The following RAPGEF5 variants were observed in gnomAD, a reference collection of about 807,000 sequenced individuals.
RAPGEF5 encodes the protein M-Ras-regulated GEF.
In RAPGEF5, 65 loss-of-function variants were observed where a neutral mutation model predicts 125.2. The ratio of observed to expected loss-of-function variants is 0.52; its 90% CI spans 0.43 to 0.64. RAPGEF5 has a LOEUF of 0.64. RAPGEF5 is among the 30% of genes least tolerant of loss of function. The pLI is 0.00. For missense variants in RAPGEF5, 958 were observed against 1,048.1 expected (o/e 0.91, Z 1.19); for synonymous variants, 391 against 385.9 (o/e 1.01, Z -0.16).
chr7:22,190,569 A>G (rs1784962064), intron 11 of RAPGEF5, among the ~76,000 whole-genome samples: 1 of 152,098 alleles, frequency 6.6e-6, no homozygotes, highest in Admixed American at 6.6e-5. Context: ...GAAATGCCTT[A>G]TCTTAATAGC....
chr7:22,198,584 A>C (rs1785205631), intron 9 of RAPGEF5, among the ~76,000 whole-genome samples: 2 of 152,210 alleles, frequency 1.3e-5, no homozygotes, highest in Admixed American at 1.3e-4. Flanking sequence ...ACCTAATATA[A>C]TTTTATTCCA....
At chr7:22,266,461 C>T (rs776087864) in intron 7 of RAPGEF5, among the ~76,000 whole-genome samples, 2 of 152,078 alleles carry the variant, frequency 1.3e-5, no homozygotes, top group African/African-American at 4.8e-5. Flanking sequence ...CAGATTATAT[C>T]CTATAGGTAT....
At chr7:22,318,134 C>A in intron 1 of RAPGEF5, 97 bp from the exon 2 acceptor site, 81 of 1,092,032 alleles carry the variant, frequency 7.4e-5, no homozygotes, top group Non-Finnish European at 8.7e-5. Flanking sequence ...CAGGCCTCTG[C>A]TATGAAAAAA....
Position 22,121,649 on chromosome 7 carries a change from A to G in RAPGEF5, c.*757T>C, listed in dbSNP as rs1211099383. 1 of 152,258 alleles carries G rather than the reference A, an allele frequency of 6.6e-6. No individual in the cohort carries two copies. The highest frequency in any genetic ancestry group is 1.9e-4 in the East Asian group (1 of 5,206). The allele number at this position is 152,258 out of a possible 1,614,324, so 9.4% of individuals were successfully genotyped here. A position where few individuals can be genotyped will look rare whatever the true frequency, so the allele number is the denominator to read the frequency against. ...AGAAGTATAAAGAAAATCCCCAGAA[A>G]TTAAACAATGAGTCAATTTCTTAAA... On this transcript the variant is annotated 3_prime_UTR_variant, in exon 26 of 26. Coordinates refer to ENST00000665637, the MANE Select transcript of RAPGEF5 (RefSeq NM_012294.5).
At chr7:22,135,006 A>G (rs1471260425) in intron 23 of RAPGEF5, among the ~76,000 whole-genome samples, 1 of 152,210 alleles carries the variant, frequency 6.6e-6, no homozygotes. Context: ...TGCACGATGT[A>G]CGGCAACTCA....
intron 1 of RAPGEF5, among the ~76,000 whole-genome samples, chr7:22,348,592 T>C (rs1442884667): frequency 6.6e-6 from 1 of 152,166 alleles, no homozygotes; most frequent in African/African-American, 2.4e-5. Context: ...TCCCAAACCT[T>C]CATGTTTCTT....
At chr7:22,145,567 C>T (rs1783408669) in intron 19 of RAPGEF5, among the ~76,000 whole-genome samples, 1 of 152,178 alleles carries the variant, frequency 6.6e-6, no homozygotes, top group Non-Finnish European at 1.5e-5. Context: ...AAAATGAACG[C>T]TAGTAGTACT....
intron 1 of RAPGEF5, 25 bp downstream of exon 1, chr7:22,356,805 A>T (rs1784429611): frequency 8.8e-7 from 1 of 1,142,806 alleles, no homozygotes; most frequent in African/African-American, 1.6e-5. Flanking sequence ...GCCCGTGCCC[A>T]CTCGGACAGG....
Position 22,242,928 on chromosome 7 carries a change from C to T in RAPGEF5, c.797-12009G>A, listed in dbSNP as rs1272420008. 7.7e-5 allele frequency among the ~76,000 whole-genome samples: 7 copies of T among 90,830 alleles called. No homozygotes were observed. The East Asian group carries it at 1.9e-3, about 25-fold the overall frequency. The allele number at this position is 90,830 out of a possible 152,430, so 59.6% of individuals were successfully genotyped here. ...CGCCATTGCACTCCAACCTAGGCAA[C>T]AAGAGTGAAACTCCGTCTCAAAAAA... On this transcript the variant is annotated intron_variant, in intron 7 of 25. Transcript: ENST00000665637.
intron 13 of RAPGEF5, among the ~76,000 whole-genome samples, chr7:22,161,465 A>G (rs1271156881): frequency 6.6e-6 from 1 of 151,586 alleles, no homozygotes; most frequent in Non-Finnish European, 1.5e-5. Context: ...CAAGCTCAAG[A>G]GTTTGAGGTT....
At chr7:22,148,617 G>A (rs1182524593) in intron 18 of RAPGEF5, among the ~76,000 whole-genome samples, 2 of 152,148 alleles carry the variant, frequency 1.3e-5, no homozygotes, top group African/African-American at 4.8e-5. Context: ...GAGTTGGCAG[G>A]GGAGGCTTTT....
chr7:22,151,307 G>A (rs1446719376), intron 17 of RAPGEF5, among the ~76,000 whole-genome samples: 1 of 152,042 alleles, frequency 6.6e-6, no homozygotes, highest in African/African-American at 2.4e-5. Flanking sequence ...CCCAGTATTA[G>A]AATTACTAGG....
intron 1 of RAPGEF5, among the ~76,000 whole-genome samples, chr7:22,355,743 C>G (rs1583601475): frequency 6.6e-6 from 1 of 152,136 alleles, no homozygotes; most frequent in Non-Finnish European, 1.5e-5. Context: ...GACATCAGTT[C>G]AGACCCTTCC....
At chr7:22,125,751 A>C in intron 24 of RAPGEF5, 93 bp from the exon 25 acceptor site, 1 of 1,163,770 alleles carries the variant, frequency 8.6e-7, no homozygotes, top group Non-Finnish European at 1.3e-6. Flanking sequence ...ATAATCTAGC[A>C]CTCTTGGCTG....
chr7:22,145,017 A>C, intron 20 of RAPGEF5, 27 bp downstream of exon 20: 1 of 1,605,524 alleles, frequency 6.2e-7, no homozygotes, highest in Non-Finnish European at 8.5e-7. Flanking sequence ...GACTAGAGGA[A>C]TGGCACTTCT....
intron 23 of RAPGEF5, among the ~76,000 whole-genome samples, chr7:22,131,495 G>T (rs1336052369): frequency 2.0e-5 from 3 of 152,180 alleles, no homozygotes; most frequent in Non-Finnish European, 4.4e-5. Context: ...GTATGTGTTT[G>T]CTTTTTACAA....
At chr7:22,219,611 T>C (rs1472259089) in intron 9 of RAPGEF5, among the ~76,000 whole-genome samples, 1 of 152,064 alleles carries the variant, frequency 6.6e-6, no homozygotes, top group African/African-American at 2.4e-5. Context: ...TAAGGATTCA[T>C]ATTTGCTTAA....
At chr7:22,252,428 T>C (rs1011610261) in intron 7 of RAPGEF5, among the ~76,000 whole-genome samples, 4 of 152,234 alleles carry the variant, frequency 2.6e-5, no homozygotes, top group African/African-American at 9.6e-5. Flanking sequence ...CTCAAAAACC[T>C]TGGATTCTGG....
intron 7 of RAPGEF5, among the ~76,000 whole-genome samples, chr7:22,254,428 G>A (rs1786701518): frequency 6.6e-6 from 1 of 151,668 alleles, no homozygotes; most frequent in Admixed American, 6.6e-5. Flanking sequence ...GACCAAGGTG[G>A]AGAAACCCCG....
Sources: allele counts gnomAD v4.1 joint callset (sites outside exome capture counted in the v4.1 genomes callset), GRCh38; gene constraint gnomAD v4.1.1; transcripts MANE v1.5; gene names NCBI Gene and HGNC (gene_info 2026-07-23, HGNC 2026-07-21).